LRMDA: variants seen among roughly 807,000 people sequenced by gnomAD.
The protein encoded by LRMDA is leucine-rich melanocyte differentiation-associated protein.
LRMDA carries 18 observed loss-of-function variants against 29.8 expected under a neutral mutation model. The observed-to-expected ratio is 0.60, with a 90% CI of 0.42 to 0.90. The LOEUF is 0.90. Ranked by LOEUF, LRMDA falls within the 40% of genes least tolerant of loss-of-function variation. The probability of loss-of-function intolerance (pLI) is 0.00; values close to 1 mark genes in which losing one functional copy is unlikely to be tolerated. For missense variants in LRMDA, 273 were observed against 273.9 expected (o/e 1.00, Z 0.02); for synonymous variants, 125 against 109.4 (o/e 1.14, Z -0.89).
Position 76,222,454 on chromosome 10 carries a change from G to T in LRMDA, c.517-101947G>T, listed in dbSNP as rs543892894. ...AACAAACAACCCCATCAAAAAGTGGGTGAAGGACATGAACAGACACTTCTC... is the reference window on the plus strand; with the variant it reads ...AACAAACAACCCCATCAAAAAGTGGTTGAAGGACATGAACAGACACTTCTC... On this transcript the variant is annotated intron_variant, in intron 5 of 6. Coordinates refer to ENST00000611255, the MANE Select transcript of LRMDA (RefSeq NM_001305581.2). Among the ~76,000 whole-genome samples, 313 of 152,264 alleles carry T rather than the reference G, an allele frequency of 2.1e-3. 2 individuals are homozygous for T. The highest frequency in any genetic ancestry group is 6.8e-3 in the African/African-American group (281 of 41,562).
chr10:76,537,832 ATTC>A (rs1191478622), intron 6 of LRMDA, among the ~76,000 whole-genome samples: 2 of 152,090 alleles, frequency 1.3e-5, no homozygotes, highest in African/African-American at 2.4e-5. Flanking sequence ...ATCTTCCCTC[ATTC>A]TTAGTTTTAT....
At chr10:76,131,967 C>T (rs778402838) in intron 5 of LRMDA, among the ~76,000 whole-genome samples, 9 of 152,128 alleles carry the variant, frequency 5.9e-5, no homozygotes, top group Non-Finnish European at 1.3e-4. Flanking sequence ...GTTAATGTTC[C>T]TTAAGCATTT....
chr10:75,736,783 G>T (rs1046116179), intron 2 of LRMDA, among the ~76,000 whole-genome samples: 1 of 152,024 alleles, frequency 6.6e-6, no homozygotes, highest in Non-Finnish European at 1.5e-5. Flanking sequence ...TTATATTCTT[G>T]ATAGGATTAT....
chr10:75,848,461 C>G (rs1306142829), intron 2 of LRMDA, among the ~76,000 whole-genome samples: 1 of 152,100 alleles, frequency 6.6e-6, no homozygotes. Flanking sequence ...GCTTTTCTAC[C>G]AGAGCCTGCT....
intron 2 of LRMDA, among the ~76,000 whole-genome samples, chr10:75,789,338 A>G (rs1367925501): frequency 6.6e-6 from 1 of 152,246 alleles, no homozygotes; most frequent in Non-Finnish European, 1.5e-5. Context: ...CTGCTCATGG[A>G]AAGATACACA....
chr10:76,541,312 C>A (rs1419823401), intron 6 of LRMDA, among the ~76,000 whole-genome samples: 1 of 152,116 alleles, frequency 6.6e-6, no homozygotes, highest in African/African-American at 2.4e-5. Flanking sequence ...TCCAGCCTAG[C>A]CAACATGCCA....
At chr10:76,300,078 T>C (rs1840462251) in intron 5 of LRMDA, among the ~76,000 whole-genome samples, 1 of 152,168 alleles carries the variant, frequency 6.6e-6, no homozygotes, top group Admixed American at 6.5e-5. Flanking sequence ...TAGGGGCAGA[T>C]ATATAGTGGC....
intron 2 of LRMDA, among the ~76,000 whole-genome samples, chr10:75,672,574 C>T (rs1374285079): frequency 4.1e-5 from 1 of 24,184 alleles, no homozygotes; most frequent in African/African-American, 2.0e-4. Context: ...CCCTTCCCTT[C>T]CCTTCCCTTC....
At chr10:75,736,385 G>T (rs1178327888) in intron 2 of LRMDA, among the ~76,000 whole-genome samples, 1 of 152,194 alleles carries the variant, frequency 6.6e-6, no homozygotes, top group African/African-American at 2.4e-5. Flanking sequence ...TGGGAATTGT[G>T]CTTGATGGGA....
intron 2 of LRMDA, among the ~76,000 whole-genome samples, chr10:75,447,025 A>G (rs1274181989): frequency 1.3e-5 from 2 of 152,256 alleles, no homozygotes; most frequent in Non-Finnish European, 2.9e-5. Context: ...AACAGAGCTC[A>G]TGTCTGTAAG....
chr10:76,164,135 C>T (rs1288709345), intron 5 of LRMDA, among the ~76,000 whole-genome samples: 3 of 140,036 alleles, frequency 2.1e-5, no homozygotes, highest in Admixed American at 7.3e-5. Flanking sequence ...ATTTTTTTTT[C>T]CGATGAGAAA....
In LRMDA at chr10:75,964,717, G is replaced by A. The variant is rs541344621; in HGVS notation, c.132-71291G>A. On this transcript the variant is annotated intron_variant, in intron 2 of 6. Coordinates refer to ENST00000611255, the MANE Select transcript of LRMDA (RefSeq NM_001305581.2). The stretch of plus-strand genomic sequence containing the variant: ...GATCTTGGTTAAGAGTGCCTGATCC[G>A]GAGCCAGAAGACATGCGTTTGAAGC... 4.6e-5 allele frequency among the ~76,000 whole-genome samples: 7 copies of A among 152,294 alleles called. No homozygotes were observed. The East Asian group carries it at 9.7e-4, about 21-fold the overall frequency.
intron 6 of LRMDA, among the ~76,000 whole-genome samples, chr10:76,342,345 C>G (rs559869866): frequency 2.4e-4 from 37 of 151,846 alleles, no homozygotes; most frequent in African/African-American, 8.9e-4. Context: ...ATTAATGAAA[C>G]CATTACCTAT....
chr10:75,775,589 G>T (rs1843301276), intron 2 of LRMDA, among the ~76,000 whole-genome samples: 1 of 152,208 alleles, frequency 6.6e-6, no homozygotes, highest in African/African-American at 2.4e-5. Flanking sequence ...TCCTGGTCCA[G>T]TGGTCCCCCG....
chr10:76,026,661 TAG>T lies in LRMDA; in HGVS notation c.132-9344_132-9343del, dbSNP rs1848068622. Among the ~76,000 whole-genome samples the T allele has an allele frequency of 2.0e-5, 3 of 152,198 alleles. No individual in the cohort carries two copies. The South Asian group carries it at 6.2e-4, about 32-fold the overall frequency. ...CAGTCCCAGCTAGAAGAATGAGGCA[TAG>T]AGTTTAGTGTGCTGGAACTCTGCTA... is the stretch of plus-strand genomic sequence containing the variant. On this transcript the variant is annotated intron_variant, in intron 2 of 6. Coordinates refer to ENST00000611255, the MANE Select transcript of LRMDA (RefSeq NM_001305581.2).
At chr10:76,142,200 C>G (rs1464116105) in intron 5 of LRMDA, among the ~76,000 whole-genome samples, 1 of 152,016 alleles carries the variant, frequency 6.6e-6, no homozygotes, top group East Asian at 1.9e-4. Flanking sequence ...ATTTCAGGTG[C>G]ATGGAATTGA....
At chr10:76,014,186 A>G (rs1847844801) in intron 2 of LRMDA, among the ~76,000 whole-genome samples, 1 of 145,496 alleles carries the variant, frequency 6.9e-6, no homozygotes, top group African/African-American at 2.5e-5. Flanking sequence ...TAACATTGTT[A>G]TGCCTATTCA....
intron 2 of LRMDA, among the ~76,000 whole-genome samples, chr10:75,811,894 T>C (rs1053169396): frequency 6.6e-6 from 1 of 152,184 alleles, no homozygotes; most frequent in African/African-American, 2.4e-5. Flanking sequence ...TTGTGGACAG[T>C]GAATTGAATG....
chr10:75,528,202 C>T (rs185504044), intron 2 of LRMDA, among the ~76,000 whole-genome samples: 31 of 152,268 alleles, frequency 2.0e-4, no homozygotes, highest in Middle Eastern at 3.4e-3. Flanking sequence ...CCAATGCCTG[C>T]GAGTTGGTAG....
Sources: gnomAD v4.1 joint callset for allele counts (sites outside exome capture counted in the v4.1 genomes callset) on GRCh38, gnomAD v4.1.1 for gene constraint, MANE v1.5 for transcripts, NCBI Gene and HGNC (gene_info 2026-07-23, HGNC 2026-07-21) for gene names.